Variants in UVSSA observed in about 807,000 individuals in gnomAD.
UVSSA encodes the protein UV-stimulated scaffold protein A.
A neutral mutation model predicts 73.9 loss-of-function variants in UVSSA; 72 were observed. The ratio of observed to expected loss-of-function variants is 0.97; its 90% CI spans 0.81 to 1.19. UVSSA has a LOEUF of 1.19. UVSSA is among the 50% of genes most tolerant of loss of function. The pLI, the probability that UVSSA is intolerant of heterozygous loss-of-function variation, is 0.00. For missense variants in UVSSA, 1,150 were observed against 965.0 expected, an observed-to-expected ratio of 1.19 and a Z score of -2.54; for synonymous variants, 454 against 391.3, an observed-to-expected ratio of 1.16 and a Z score of -1.89.
intron 8 of UVSSA, 165 bp from the exon 9 acceptor site, chr4:1,375,199 G>A (rs141429376): frequency 0.012 from 13,330 of 1,155,800 alleles, 105 homozygotes; most frequent in Middle Eastern, 0.028. Context: ...CTGCTGCTCC[G>A]GGCCTCACCC....
At chr4:1,375,022 A>C in intron 8 of UVSSA, 1 of 289,126 alleles carries the variant, frequency 3.5e-6, no homozygotes, top group South Asian at 4.4e-5. Flanking sequence ...GGTGCCGGGC[A>C]GTCTGGGCTC....
At chr4:1,382,029 G>A (rs1453619148) in intron 12 of UVSSA, among the ~76,000 whole-genome samples, 1 of 152,198 alleles carries the variant, frequency 6.6e-6, no homozygotes, top group Admixed American at 6.5e-5. Flanking sequence ...TTCACACCTT[G>A]TCTTGAAGAG....
chr4:1,388,421 C>T (rs1374666698), downstream of UVSSA: 1 of 152,224 alleles, frequency 6.6e-6, no homozygotes, highest in African/African-American at 2.4e-5. Context: ...ATGTCATCTG[C>T]AAACAGCTTT....
chr4:1,362,448 A>T lies in UVSSA; in HGVS notation c.1177-3872A>T, dbSNP rs2109167746. Among the ~76,000 whole-genome samples the T allele has an allele frequency of 2.0e-5, 3 of 152,334 alleles. 1 individual carries two copies. In the East Asian group the frequency reaches 5.8e-4, roughly 29 times the overall value. On this transcript the variant is annotated intron_variant, in intron 7 of 13. Coordinates refer to ENST00000389851, the MANE Select transcript of UVSSA (RefSeq NM_020894.4). ...AGCCTGCAGGTGACCTGTGCCTCCC[A>T]TGCCCCTGCTTTATCACAGGAAACT... is the stretch of plus-strand genomic sequence containing the variant.
downstream of UVSSA, chr4:1,388,763 T>G (rs773577326): frequency 3.3e-5 from 5 of 152,234 alleles, no homozygotes; most frequent in Non-Finnish European, 7.3e-5. Flanking sequence ...TTACATTGTT[T>G]CTCATATATT....
chr4:1,352,650 G>A (rs528627639), intron 4 of UVSSA, among the ~76,000 whole-genome samples: 2 of 152,336 alleles, frequency 1.3e-5, no homozygotes, highest in East Asian at 1.9e-4. Context: ...TCTAGTAAGC[G>A]GTTAAAAAGT....
rs1271234035 is a variant in UVSSA, at chr4:1,347,575, T to A, written c.-188T>A. The stretch of plus-strand genomic sequence containing the variant: ...CCTTCCGGGTCCTTCGGCCTTTCCC[T>A]GGCGGTGCGGCAGGCCCTCGCCTCA... On this transcript the variant is annotated 5_prime_UTR_variant, in exon 1 of 14. Coordinates refer to ENST00000389851, the MANE Select transcript of UVSSA (RefSeq NM_020894.4). 6.5e-6 allele frequency: 1 copy of A among 152,672 alleles called. No homozygotes were observed. Among genetic ancestry groups the A allele is most frequent in the Non-Finnish European group, 1.5e-5 (1 of 68,282 alleles). 9.5% of individuals were successfully genotyped at this position (152,672 alleles called of 1,614,324 possible).
intron 7 of UVSSA, among the ~76,000 whole-genome samples, chr4:1,365,526 G>A (rs551334835): frequency 9.8e-4 from 150 of 152,356 alleles, no homozygotes; most frequent in African/African-American, 3.6e-3. Flanking sequence ...CTCCTCAATG[G>A]GAGGAGGGAG....
chr4:1,374,491 C>T (rs1337653235), intron 8 of UVSSA, among the ~76,000 whole-genome samples: 2 of 152,202 alleles, frequency 1.3e-5, no homozygotes, highest in Non-Finnish European at 2.9e-5. Flanking sequence ...GGAGAATCTC[C>T]TTGTCCTGGT....
Position 1,347,620 on chromosome 4 carries a change from G to A in UVSSA, c.-143G>A. 1 of 153,836 alleles carries A rather than the reference G, an allele frequency of 6.5e-6. No individual in the cohort carries two copies. The highest frequency in any genetic ancestry group is 1.5e-5 in the Non-Finnish European group (1 of 68,898). The allele number at this position is 153,836 out of a possible 1,614,324, so 9.5% of individuals were successfully genotyped here. On this transcript the variant is annotated 5_prime_UTR_variant, in exon 1 of 14. In the 5' UTR this introduces an upstream ATG that the reference lacks. Coordinates refer to ENST00000389851, the MANE Select transcript of UVSSA (RefSeq NM_020894.4). The stretch of plus-strand genomic sequence containing the variant: ...GCCTCATCCCACCAGGCACGCCGCG[G>A]TGCTCGGCCCTGGGTATCCGGGCAG...
downstream of UVSSA, chr4:1,388,229 C>T (rs1170870679): frequency 6.6e-6 from 1 of 152,156 alleles, no homozygotes; most frequent in Non-Finnish European, 1.5e-5. Context: ...TTATAAATTG[C>T]ATTTACAAAA....
intron 3 of UVSSA, among the ~76,000 whole-genome samples, chr4:1,351,498 G>A (rs563497811): frequency 2.6e-5 from 4 of 151,388 alleles, no homozygotes; most frequent in African/African-American, 9.7e-5. Context: ...CCATTCTCCT[G>A]CCTCAATCTC....
At chr4:1,342,865 C>A (rs544324353), upstream of UVSSA, among the ~76,000 whole-genome samples, 3 of 152,242 alleles carry the variant, frequency 2.0e-5, no homozygotes, top group South Asian at 6.2e-4. Flanking sequence ...TGTCCTAACA[C>A]CACATTATCT....
chr4:1,374,071 C>A (rs988200311), intron 8 of UVSSA, among the ~76,000 whole-genome samples: 2 of 152,220 alleles, frequency 1.3e-5, no homozygotes, highest in Non-Finnish European at 2.9e-5. Flanking sequence ...GGTCCGTTTT[C>A]TTTCCGTGGA....
downstream of UVSSA, chr4:1,393,018 G>A (rs1482231303): frequency 1.3e-5 from 2 of 152,320 alleles, no homozygotes; most frequent in East Asian, 1.9e-4. Context: ...GTCGTTTCTC[G>A]AAATATTTTA....
Position 1,354,736 on chromosome 4 carries a change from G to A in UVSSA, c.936G>A (p.Glu312=), listed in dbSNP as rs747709680. The change falls in exon 6 of 14, where the codon GAG becomes GAA. Residue 312 remains glutamate, a splice_region_variant and synonymous_variant. Transcript: ENST00000389851. The part of the protein sequence containing the change: ...KYTLDVELCS[E]GLKVQENEDN... ...TGACCTCTGTGTGCTTCTCCCCAGA[G>A]GGCCTGAAGGTGCAGGAGAACGAGG... The A allele has an allele frequency of 2.1e-5, 34 of 1,613,046 alleles. No individual in the cohort carries two copies. The highest frequency in any genetic ancestry group is 2.8e-5 in the Non-Finnish European group (33 of 1,179,750).
intron 7 of UVSSA, chr4:1,358,370 A>T (rs1011861607): frequency 6.6e-6 from 1 of 152,304 alleles, no homozygotes; most frequent in Non-Finnish European, 1.5e-5. Flanking sequence ...TGGATTGAGG[A>T]TGTCACAGCT....
intron 5 of UVSSA, 168 bp from the exon 6 acceptor site, chr4:1,354,567 A>G (rs1000158457): frequency 9.7e-6 from 6 of 615,996 alleles, no homozygotes; most frequent in African/African-American, 7.4e-5. Flanking sequence ...TAAGATAATA[A>G]AACACTTCCT....
chr4:1,361,553 G>A (rs920272113), intron 7 of UVSSA, among the ~76,000 whole-genome samples: 4 of 152,206 alleles, frequency 2.6e-5, no homozygotes, highest in Admixed American at 2.0e-4. Context: ...AGTGCTGCCC[G>A]CCAGGTGCCC....
Sources: allele counts gnomAD v4.1 joint callset (sites outside exome capture counted in the v4.1 genomes callset), GRCh38; gene constraint gnomAD v4.1.1; transcripts MANE v1.5; gene names NCBI Gene and HGNC (gene_info 2026-07-23, HGNC 2026-07-21).